Variants in RNF19A observed in about 807,000 individuals in gnomAD.
RNF19A encodes E3 ubiquitin-protein ligase RNF19A.
Under a neutral mutation model 75.7 loss-of-function variants are expected in RNF19A, and 32 were observed. That is an observed-to-expected ratio of 0.42 (90% CI 0.32 to 0.57). The LOEUF (loss-of-function observed/expected upper bound fraction) is 0.57. Ranked by LOEUF, RNF19A falls within the 20% of genes least tolerant of loss-of-function variation. RNF19A has a pLI of 0.10. For synonymous variants in RNF19A, 335 were observed against 345.2 expected, an observed-to-expected ratio of 0.97 and a Z score of 0.33; for missense variants, 782 against 1,036.3, an observed-to-expected ratio of 0.75 and a Z score of 3.37.
Position 100,258,795 on chromosome 8 carries a change from G to T in RNF19A, c.2278C>A (p.Leu760Ile), listed in dbSNP as rs1465114308. The part of the protein sequence containing the change: ...YHTRFATVNI[L>I]PEVENDRLEN... The stretch of plus-strand genomic sequence containing the variant: ...AGACGGTCATTTTCTACCTCAGGAA[G>T]AATGTTAACAGTAGCAAAGCGGGTG... The change falls in exon 10 of 10, where the codon CTT becomes ATT. Residue 760 changes from leucine to isoleucine, a missense_variant. Coordinates refer to ENST00000341084, the MANE Select transcript of RNF19A (RefSeq NM_183419.4). The surrounding 1 kb of genome is among the most constrained non-coding windows in gnomAD (Gnocchi z 4.3). 5.6e-6 allele frequency: 9 copies of T among 1,614,192 alleles called. No homozygotes were observed. In the South Asian group the frequency reaches 7.7e-5, roughly 14 times the overall value.
intron 1 of RNF19A, among the ~76,000 whole-genome samples, chr8:100,291,443 C>A (rs905439900): frequency 1.3e-5 from 2 of 152,196 alleles, no homozygotes; most frequent in Non-Finnish European, 2.9e-5. Context: ...AAGACAAGAA[C>A]CTTTTACCTT....
intron 2 of RNF19A, among the ~76,000 whole-genome samples, chr8:100,283,619 C>T (rs1239622218): frequency 1.3e-5 from 2 of 152,094 alleles, no homozygotes; most frequent in African/African-American, 4.8e-5. Flanking sequence ...TAAATGGAAA[C>T]CAGGTCAGGT....
chr8:100,308,766 C>T (rs1822164226), intron 1 of RNF19A, among the ~76,000 whole-genome samples: 2 of 152,172 alleles, frequency 1.3e-5, no homozygotes, highest in Admixed American at 1.3e-4. Flanking sequence ...TAAGCCTCTA[C>T]TGTTTACTAA....
At chr8:100,286,482 T>C (rs1442936230) in intron 2 of RNF19A, among the ~76,000 whole-genome samples, 1 of 152,236 alleles carries the variant, frequency 6.6e-6, no homozygotes, top group Non-Finnish European at 1.5e-5. Context: ...CCTTGGTGGA[T>C]GGTAAAGTGT....
rs1298065808 is a variant in RNF19A at position 100,257,801 on chromosome 8, T to A, written c.*755A>T. ...AAACTTCCCCTTAGAGAAAGGTGGA[T>A]TTTTTGTAATACTTATAACCTAATG... On this transcript the variant is annotated 3_prime_UTR_variant, in exon 10 of 10. Transcript: ENST00000341084. 1 of 382,612 alleles carries A rather than the reference T, an allele frequency of 2.6e-6. No homozygotes were observed. The highest frequency in any genetic ancestry group is 4.6e-6 in the Non-Finnish European group (1 of 216,118). 23.7% of individuals were successfully genotyped at this position (382,612 alleles called of 1,614,324 possible).
chr8:100,315,247 C>CA (rs1487683757), intron 1 of RNF19A, among the ~76,000 whole-genome samples: 1 of 152,290 alleles, frequency 6.6e-6, no homozygotes, highest in East Asian at 1.9e-4. Context: ...AAGATCACAC[C>CA]ACTGCACTCC....
At chr8:100,327,254 T>TA (rs1341379677) in intron 1 of RNF19A, among the ~76,000 whole-genome samples, 2 of 136,864 alleles carry the variant, frequency 1.5e-5, no homozygotes, top group Non-Finnish European at 3.1e-5. Context: ...TCTTTTTTTT[T>TA]TTTTTTTTTT....
At chr8:100,326,669 A>T (rs1204391056) in intron 1 of RNF19A, among the ~76,000 whole-genome samples, 2 of 152,020 alleles carry the variant, frequency 1.3e-5, no homozygotes, top group Non-Finnish European at 2.9e-5. Context: ...TCTCTATCTT[A>T]TTTCCTTCCC....
At chr8:100,298,175 C>T (rs568889497) in intron 1 of RNF19A, among the ~76,000 whole-genome samples, 341 of 146,588 alleles carry the variant, frequency 2.3e-3, no homozygotes, top group Non-Finnish European at 3.5e-3. Flanking sequence ...CACAAATGTA[C>T]CTAAATTTAC....
chr8:100,279,672 C>T (rs114287740), intron 2 of RNF19A, among the ~76,000 whole-genome samples: 161 of 152,324 alleles, frequency 1.1e-3, no homozygotes, highest in African/African-American at 3.8e-3. Flanking sequence ...TACAGGGGCG[C>T]ATCACCATGC....
chr8:100,288,788 C>T (rs916878629), intron 1 of RNF19A, among the ~76,000 whole-genome samples: 1 of 152,122 alleles, frequency 6.6e-6, no homozygotes, highest in Non-Finnish European at 1.5e-5. Context: ...AGGCCAGGCG[C>T]GGTGGCTCAC....
At chr8:100,319,899 G>A (rs1586699058) in intron 1 of RNF19A, among the ~76,000 whole-genome samples, 1 of 148,982 alleles carries the variant, frequency 6.7e-6, no homozygotes, top group Admixed American at 6.8e-5. Context: ...GCAATGGTAG[G>A]GTCTTGGCTC....
At chr8:100,289,088 T>C (rs1821173095) in intron 1 of RNF19A, among the ~76,000 whole-genome samples, 2 of 149,300 alleles carry the variant, frequency 1.3e-5, no homozygotes, top group Non-Finnish European at 3.0e-5. Context: ...GTCATATATA[T>C]GTATATGAGA....
upstream of RNF19A, chr8:100,310,142 C>T: frequency 8.1e-6 from 8 of 985,512 alleles, no homozygotes; most frequent in Non-Finnish European, 7.2e-6. Context: ...CCTCCTCCTC[C>T]CACTTCTTCC....
At chr8:100,316,749 G>A (rs1026760229) in intron 1 of RNF19A, among the ~76,000 whole-genome samples, 1 of 152,246 alleles carries the variant, frequency 6.6e-6, no homozygotes, top group Non-Finnish European at 1.5e-5. Flanking sequence ...GGAGCTGCCT[G>A]CCAGTCCCGC....
intron 1 of RNF19A, among the ~76,000 whole-genome samples, chr8:100,292,842 C>T (rs1045783613): frequency 2.0e-5 from 3 of 152,008 alleles, no homozygotes; most frequent in Non-Finnish European, 4.4e-5. Flanking sequence ...TATAAGCTTA[C>T]CAAGTCTTCT....
At chr8:100,311,402 A>G (rs1359186323), upstream of RNF19A, among the ~76,000 whole-genome samples, 1 of 152,228 alleles carries the variant, frequency 6.6e-6, no homozygotes, top group Admixed American at 6.5e-5. Flanking sequence ...AAGTACCCAT[A>G]TATAATATCC....
At chr8:100,310,236 G>T (rs978507862), upstream of RNF19A, 1 of 985,020 alleles carries the variant, frequency 1.0e-6, no homozygotes, top group Admixed American at 6.2e-5. Context: ...GCTGCGGGCG[G>T]CTCTGGACGC....
At chr8:100,267,071 A>C (rs1586603591) in intron 5 of RNF19A, among the ~76,000 whole-genome samples, 1 of 152,320 alleles carries the variant, frequency 6.6e-6, no homozygotes, top group Admixed American at 6.5e-5. Flanking sequence ...CAAACGTAAC[A>C]ATTTTGTAAC....
Sources: gnomAD v4.1 joint callset for allele counts (sites outside exome capture counted in the v4.1 genomes callset) on GRCh38, gnomAD v4.1.1 for gene constraint, Gnocchi (gnomAD v3.1) non-coding constraint, MANE v1.5 for transcripts, NCBI Gene and HGNC (gene_info 2026-07-23, HGNC 2026-07-21) for gene names.